Variants in PDE10A observed in about 807,000 individuals in gnomAD.
The protein encoded by PDE10A is cAMP and cAMP-inhibited cGMP 3',5'-cyclic phosphodiesterase 10A.
A neutral mutation model predicts 97.7 loss-of-function variants in PDE10A; 39 were observed. The observed-to-expected ratio is 0.40, with a 90% CI of 0.31 to 0.52. PDE10A has a LOEUF of 0.52. Ranked by LOEUF, PDE10A falls within the 20% of genes least tolerant of loss-of-function variation. The pLI is 0.56. For synonymous variants in PDE10A, 371 were observed against 376.8 expected, an observed-to-expected ratio of 0.98 and a Z score of 0.18; for missense variants, 731 against 1,047.8, an observed-to-expected ratio of 0.70 and a Z score of 4.17.
At chr6:165,747,465 C>A (rs1792868724) in intron 1 of PDE10A, among the ~76,000 whole-genome samples, 1 of 152,150 alleles carries the variant, frequency 6.6e-6, no homozygotes, top group Non-Finnish European at 1.5e-5. Flanking sequence ...CTGTTATTAT[C>A]CCCATTTTAT....
chr6:165,603,632 G>A (rs760386219), intron 1 of PDE10A, among the ~76,000 whole-genome samples: 23 of 152,242 alleles, frequency 1.5e-4, no homozygotes, highest in Non-Finnish European at 2.5e-4. Flanking sequence ...TGGGAGGGGA[G>A]CAGCGTCCCA....
chr6:165,534,482 A>C (rs1422119984), intron 2 of PDE10A, among the ~76,000 whole-genome samples: 3 of 152,068 alleles, frequency 2.0e-5, no homozygotes, highest in African/African-American at 4.8e-5. Flanking sequence ...AAAACCAGAC[A>C]AAAACACAAC....
At chr6:165,692,056 A>G (rs1229889889) in intron 1 of PDE10A, among the ~76,000 whole-genome samples, 2 of 152,182 alleles carry the variant, frequency 1.3e-5, no homozygotes, top group African/African-American at 2.4e-5. Context: ...TTTTAAGTTA[A>G]AACATTTGAT....
At chr6:165,969,947 A>G (rs756467106) in intron 1 of PDE10A, among the ~76,000 whole-genome samples, 4 of 152,240 alleles carry the variant, frequency 2.6e-5, no homozygotes. Flanking sequence ...CATAATGACA[A>G]AGGGAAAGAG....
intron 13 of PDE10A, among the ~76,000 whole-genome samples, chr6:165,412,653 A>G (rs1453481735): frequency 6.6e-6 from 1 of 152,178 alleles, no homozygotes; most frequent in East Asian, 1.9e-4. Context: ...CTCGGTCACC[A>G]GAAGTTAAGT....
intron 7 of PDE10A, among the ~76,000 whole-genome samples, 198 bp downstream of exon 7, chr6:165,432,776 T>G (rs1295981517): frequency 1.3e-5 from 2 of 152,206 alleles, no homozygotes; most frequent in Non-Finnish European, 2.9e-5. Context: ...CCATATCTCT[T>G]ATGTAACCTG....
At chr6:165,891,484 G>A (rs1390636281) in intron 1 of PDE10A, among the ~76,000 whole-genome samples, 3 of 152,132 alleles carry the variant, frequency 2.0e-5, no homozygotes, top group Non-Finnish European at 2.9e-5. Context: ...GCCCCTCAGC[G>A]TCCTGGAAAC....
intron 1 of PDE10A, among the ~76,000 whole-genome samples, chr6:165,903,710 T>G (rs1782179563): frequency 6.6e-6 from 1 of 152,116 alleles, no homozygotes; most frequent in South Asian, 2.1e-4. Flanking sequence ...AGCCATTACT[T>G]TGGATGAGAT....
chr6:165,361,683 G>A (rs1783436561), intron 18 of PDE10A, among the ~76,000 whole-genome samples: 1 of 152,168 alleles, frequency 6.6e-6, no homozygotes, highest in South Asian at 2.1e-4. Context: ...TCACTGGCAT[G>A]TGATGATGGA....
At chr6:165,737,334 C>A (rs1182163273) in intron 1 of PDE10A, among the ~76,000 whole-genome samples, 1 of 152,076 alleles carries the variant, frequency 6.6e-6, no homozygotes, top group Admixed American at 6.5e-5. Flanking sequence ...AAGGATACTA[C>A]AAGAAAAGAA....
chr6:165,691,112 C>CAA (rs1461581705), intron 1 of PDE10A, among the ~76,000 whole-genome samples: 1 of 76,462 alleles, frequency 1.3e-5, no homozygotes, highest in Non-Finnish European at 2.8e-5. Flanking sequence ...TCTCTCCCCC[C>CAA]CCCCATCAGT....
chr6:165,676,283 A>G (rs1790793507), intron 1 of PDE10A, among the ~76,000 whole-genome samples: 1 of 152,222 alleles, frequency 6.6e-6, no homozygotes, highest in Middle Eastern at 3.2e-3. Flanking sequence ...TGGGTACAAT[A>G]TACACGATTT....
upstream of PDE10A, among the ~76,000 whole-genome samples, chr6:165,668,144 A>T (rs992000973): frequency 6.6e-6 from 1 of 152,264 alleles, no homozygotes; most frequent in Non-Finnish European, 1.5e-5. Flanking sequence ...TATTTCAATA[A>T]GAATAATAAG....
chr6:165,449,529 G>A (rs186947692), intron 4 of PDE10A, among the ~76,000 whole-genome samples: 104 of 152,182 alleles, frequency 6.8e-4, no homozygotes, highest in Non-Finnish European at 1.0e-3. Flanking sequence ...TTTTACCTGT[G>A]TGACTTTGGG....
At chr6:165,914,465 C>T (rs552972316) in intron 1 of PDE10A, among the ~76,000 whole-genome samples, 49 of 152,322 alleles carry the variant, frequency 3.2e-4, no homozygotes, top group African/African-American at 1.2e-3. Flanking sequence ...TTGCCCCTCA[C>T]GTTATCCCAT....
chr6:165,534,782 T>C (rs1440751407), intron 2 of PDE10A, among the ~76,000 whole-genome samples: 1 of 152,074 alleles, frequency 6.6e-6, no homozygotes, highest in Non-Finnish European at 1.5e-5. Flanking sequence ...AAACTGGCTA[T>C]AGAAGAAACA....
chr6:165,601,545 T>A (rs775044686), intron 1 of PDE10A, among the ~76,000 whole-genome samples: 5 of 152,212 alleles, frequency 3.3e-5, no homozygotes, highest in Non-Finnish European at 7.3e-5. Context: ...ACTTTTAAGA[T>A]CCAATTGCCC....
Position 165,334,628 on chromosome 6 carries a change from GCA to G in PDE10A, c.3065+1493_3065+1494del, listed in dbSNP as rs367775498. On this transcript the variant is annotated intron_variant, in intron 21 of 21. Transcript: ENST00000539869. Reference sequence around the variant, plus strand: ...GATATCCCACTTTCTCTTTAATTTTGCACACACTTTTATAACCTAATTCCTTC... The same window carrying G: ...GATATCCCACTTTCTCTTTAATTTTGCACACTTTTATAACCTAATTCCTTC... Among the ~76,000 whole-genome samples the G allele has an allele frequency of 2.0e-3, 309 of 152,250 alleles. 2 individuals are homozygous for G. Among genetic ancestry groups the G allele is most frequent in the African/African-American group, 7.0e-3 (289 of 41,550 alleles).
intron 2 of PDE10A, among the ~76,000 whole-genome samples, chr6:165,508,540 A>T (rs1299471056): frequency 6.6e-6 from 1 of 151,990 alleles, no homozygotes; most frequent in African/African-American, 2.4e-5. Context: ...TATCTTCAGT[A>T]AATACCTTAG....
Sources: allele counts gnomAD v4.1 joint callset (sites outside exome capture counted in the v4.1 genomes callset), GRCh38; gene constraint gnomAD v4.1.1; transcripts MANE v1.5; gene names NCBI Gene and HGNC (gene_info 2026-07-23, HGNC 2026-07-21).